Variants in FER1L5 observed in about 807,000 individuals in gnomAD.
FER1L5 encodes the protein fer-1 like family member 5.
Under a neutral mutation model 279.9 loss-of-function variants are expected in FER1L5, and 187 were observed. That is an observed-to-expected ratio of 0.67 (90% confidence interval 0.59 to 0.75). FER1L5 has a LOEUF of 0.75. FER1L5 is among the 30% of genes least tolerant of loss of function. The probability of loss-of-function intolerance (pLI) is 0.00; values close to 1 mark genes in which losing one functional copy is unlikely to be tolerated. For missense variants in FER1L5, 2,091 were observed against 2,594.4 expected (o/e 0.81, Z 4.21); for synonymous variants, 921 against 989.7 (o/e 0.93, Z 1.30).
intron 9 of FER1L5, among the ~76,000 whole-genome samples, chr2:96,659,429 CTTT>C (rs1558854523): frequency 7.0e-5 from 1 of 14,238 alleles, no homozygotes; most frequent in Non-Finnish European, 1.2e-4. Context: ...TTCTTTCTTT[CTTT>C]CTTTCTTTCT....
chr2:96,674,935 C>A (rs2076458185), intron 19 of FER1L5, among the ~76,000 whole-genome samples: 1 of 152,226 alleles, frequency 6.6e-6, no homozygotes, highest in Admixed American at 6.5e-5. Context: ...CTTCACCCAA[C>A]AAGTAACCAT....
Position 96,702,965 on chromosome 2 carries a change from G to A in FER1L5, c.5398-13G>A, listed in dbSNP as rs374220812. The A allele has an allele frequency of 4.2e-5, 68 of 1,606,926 alleles. No homozygotes were observed. The African/African-American group carries it at 5.0e-4, about 12-fold the overall frequency. On this transcript the variant is annotated splice_polypyrimidine_tract_variant and intron_variant, in intron 48 of 52. Coordinates refer to ENST00000624922, the MANE Select transcript of FER1L5 (RefSeq NM_001293083.2). This position sits in a 1 kb window ranked among gnomAD's most constrained non-coding sequence, Gnocchi z 4.0. Reference sequence around the variant, plus strand: ...AGACAGGCCGGTAACACGCCCTTCCGCCATTTCCCCAGGATTACATATGGA... The same window carrying A: ...AGACAGGCCGGTAACACGCCCTTCCACCATTTCCCCAGGATTACATATGGA...
chr2:96,656,382 A>G (rs1022954989), intron 9 of FER1L5, among the ~76,000 whole-genome samples: 2 of 152,204 alleles, frequency 1.3e-5, no homozygotes, highest in African/African-American at 4.8e-5. Context: ...CACGCCTGTA[A>G]TCCCAGCACT....
chr2:96,658,019 TC>T (rs1478906500), intron 9 of FER1L5, among the ~76,000 whole-genome samples: 1 of 151,832 alleles, frequency 6.6e-6, no homozygotes, highest in Non-Finnish European at 1.5e-5. Context: ...TGTTTAACTT[TC>T]TTTTTTTTTT....
intron 1 of FER1L5, among the ~76,000 whole-genome samples, chr2:96,644,408 G>A (rs1382487018): frequency 1.3e-5 from 2 of 152,076 alleles, no homozygotes; most frequent in Non-Finnish European, 2.9e-5. Context: ...CGTGAACCCG[G>A]GAGACGGAGG....
intron 45 of FER1L5, 132 bp downstream of exon 45, chr2:96,700,603 A>C (rs1376461305): frequency 2.5e-6 from 3 of 1,212,572 alleles, no homozygotes; most frequent in African/African-American, 1.5e-5. Context: ...GTACATGCAC[A>C]GAAGACAAGC....
At position 96,689,452 on chromosome 2, in the gene FER1L5, A is replaced by T; in HGVS notation, c.2525+76A>T. On this transcript the variant is annotated intron_variant, in intron 25 of 52. Coordinates refer to ENST00000624922, the MANE Select transcript of FER1L5 (RefSeq NM_001293083.2). The surrounding 1 kb of genome is among the most constrained non-coding windows in gnomAD (Gnocchi z 4.6). ...GGCCAGTCCGCGGCAGCCCAGAAAG[A>T]TGGGTACCTAGCCCCTAAGCCTGGT... 6.5e-7 allele frequency: 1 copy of T among 1,528,486 alleles called. No homozygotes were observed. The highest frequency in any genetic ancestry group is 2.2e-5 in the Admixed American group (1 of 45,276). 94.7% of individuals were successfully genotyped at this position (1,528,486 alleles called of 1,614,324 possible).
Position 96,661,425 on chromosome 2 carries a change from G to A in FER1L5, c.879G>A (p.Val293=), listed in dbSNP as rs759744085. The change falls in exon 11 of 53, where the codon GTG becomes GTA. Residue 293 remains valine (V), a synonymous_variant. Coordinates refer to ENST00000624922, the MANE Select transcript of FER1L5 (RefSeq NM_001293083.2). ...AAGTCACCATCTATGCCCTCGGTGT[G>A]GGAGACCAGGCCCTGGTGAGCTGCC... ...YLKVTIYALG[V]GDQALIDQKL... The A allele has an allele frequency of 6.9e-5, 107 of 1,551,278 alleles. No homozygotes were observed. Among genetic ancestry groups the A allele is most frequent in the Admixed American group, 2.2e-4 (11 of 50,868 alleles).
rs1257731655 is a variant in FER1L5, at chr2:96,686,086, G to A, written c.2042G>A (p.Trp681Ter). 1 of 1,551,348 alleles carries A rather than the reference G, an allele frequency of 6.4e-7. No homozygotes were observed. The highest frequency in any genetic ancestry group is 8.7e-7 in the Non-Finnish European group (1 of 1,146,894). ...PKDMVATAEDWLYRLNTVLPE... is the reference protein window; with the variant it reads ...PKDMVATAED ...GACATGGTGGCCACAGCGGAGGACT[G>A]GCTGTACCGCCTCAACACCGTGCTC... The change falls in exon 22 of 53, where the codon TGG (tryptophan) becomes TAG (stop). Residue 681 changes from tryptophan (W) to a stop codon, truncating the protein, a stop_gained. Coordinates refer to ENST00000624922, the MANE Select transcript of FER1L5 (RefSeq NM_001293083.2). LOFTEE classifies it high-confidence loss of function.
intron 9 of FER1L5, among the ~76,000 whole-genome samples, chr2:96,659,445 CT>C (rs1558854756): frequency 6.8e-5 from 2 of 29,510 alleles, no homozygotes; most frequent in East Asian, 7.9e-4. Flanking sequence ...TTCTTTCTTT[CT>C]TTCTTTCTTT....
intron 14 of FER1L5, among the ~76,000 whole-genome samples, chr2:96,666,119 C>G (rs1405693563): frequency 6.6e-6 from 1 of 151,242 alleles, no homozygotes; most frequent in South Asian, 2.1e-4. Context: ...AACAGCCAGC[C>G]ACACAGATGG....
chr2:96,700,405 G>A lies in FER1L5; in HGVS notation c.5004G>A (p.Gln1668=), dbSNP rs765875409. Residue 1668 remains glutamine (Q), a synonymous_variant, in exon 45 of 53, where the codon CAG becomes CAA. Coordinates refer to ENST00000624922, the MANE Select transcript of FER1L5 (RefSeq NM_001293083.2). ...TTGCACTGTACCTCCTGCACACCCA[G>A]GGGCTGGTACCTGAGCACGTGGAGA... ...ERLALYLLHT[Q]GLVPEHVETR... is the part of the protein sequence containing the mutation. 3 of 1,613,812 alleles carry A rather than the reference G, an allele frequency of 1.9e-6. No homozygotes were observed. The South Asian group carries it at 3.3e-5, about 18-fold the overall frequency.
intron 45 of FER1L5, among the ~76,000 whole-genome samples, chr2:96,701,581 G>A (rs1265527995): frequency 6.6e-6 from 1 of 151,960 alleles, no homozygotes; most frequent in Non-Finnish European, 1.5e-5. Context: ...TCATACTCGA[G>A]GCTATCAAGC....
At chr2:96,659,596 A>G (rs1036362715) in intron 9 of FER1L5, among the ~76,000 whole-genome samples, 1 of 149,248 alleles carries the variant, frequency 6.7e-6, no homozygotes, top group Non-Finnish European at 1.5e-5. Context: ...GGTTCACACC[A>G]TTCTCCTGCC....
At chr2:96,679,628 A>T (rs190635062) in intron 19 of FER1L5, among the ~76,000 whole-genome samples, 41 of 152,370 alleles carry the variant, frequency 2.7e-4, no homozygotes, top group Admixed American at 8.5e-4. Context: ...TGTTAAAAAG[A>T]CCATCCTTTC....
intron 23 of FER1L5, chr2:96,687,590 G>A (rs2076977601): frequency 3.4e-6 from 2 of 583,250 alleles, no homozygotes; most frequent in Non-Finnish European, 6.0e-6. Context: ...CCTCTGTGAG[G>A]CACTCCCACC....
chr2:96,650,167 T>C lies in FER1L5; in HGVS notation c.395-13T>C, dbSNP rs1196806377. The C allele has an allele frequency of 4.5e-6, 7 of 1,550,014 alleles. No homozygotes were observed. Among genetic ancestry groups the C allele is most frequent in the Non-Finnish European group, 6.1e-6 (7 of 1,145,674 alleles). On this transcript the variant is annotated splice_polypyrimidine_tract_variant and intron_variant, in intron 5 of 52. Transcript: ENST00000624922. ...CCAGGCCTCTGACCCCACCCTGCAC[T>C]GTGTCTCCCCAGGAGCTGAAGACCA...
chr2:96,703,410 A>G, intron 50 of FER1L5, 64 bp downstream of exon 50: 1 of 1,598,156 alleles, frequency 6.3e-7, no homozygotes, highest in Non-Finnish European at 8.5e-7. Context: ...TCTAACAGAC[A>G]TCTAGGGACC....
intron 19 of FER1L5, among the ~76,000 whole-genome samples, chr2:96,673,595 C>T (rs1020519502): frequency 6.6e-6 from 1 of 152,110 alleles, no homozygotes; most frequent in Admixed American, 6.6e-5. Context: ...TTTTATCCAT[C>T]CATTCAGCCA....
Sources: allele counts gnomAD v4.1 joint callset (sites outside exome capture counted in the v4.1 genomes callset), GRCh38; gene constraint gnomAD v4.1.1; non-coding constraint Gnocchi (gnomAD v3.1); transcripts MANE v1.5; gene names NCBI Gene and HGNC (gene_info 2026-07-23, HGNC 2026-07-21).